The following PROCA1 variants were observed in gnomAD, a reference collection of about 807,000 sequenced individuals.
The protein encoded by PROCA1 is protein interacting with cyclin A1, also known as protein PROCA1.
Under a neutral mutation model 23.2 loss-of-function variants are expected in PROCA1, and 22 were observed. The observed-to-expected ratio is 0.95, with a 90% CI of 0.68 to 1.35. The LOEUF (loss-of-function observed/expected upper bound fraction) is 1.35. PROCA1 is among the 40% of genes most tolerant of loss of function. The pLI is 0.00. For synonymous variants in PROCA1, 182 were observed against 179.2 expected, an observed-to-expected ratio of 1.02 and a Z score of -0.12; for missense variants, 469 against 459.8, an observed-to-expected ratio of 1.02 and a Z score of -0.18.
In PROCA1 at chr17:28,706,690, G is replaced by A; in HGVS notation, c.165C>T (p.Thr55=). 1 of 1,303,688 alleles carries A rather than the reference G, an allele frequency of 7.7e-7. No individual in the cohort carries two copies. Among genetic ancestry groups the A allele is most frequent in the Non-Finnish European group, 1.0e-6 (1 of 988,800 alleles). 80.8% of individuals were successfully genotyped at this position (1,303,688 alleles called of 1,614,324 possible). A position where few individuals can be genotyped will look rare whatever the true frequency, so the allele number is the denominator to read the frequency against. The change falls in exon 2 of 5, where the codon ACC becomes ACT. Residue 55 remains threonine (T), a synonymous_variant. Coordinates refer to ENST00000682792, the MANE Select transcript of PROCA1 (RefSeq NM_001366301.1). Reference sequence around the variant, plus strand: ...GTCTCCTGGACCCACCTTCAGAGAAGGTAGACACATCAGTGCTGGACGCCA... The same window carrying A: ...GTCTCCTGGACCCACCTTCAGAGAAAGTAGACACATCAGTGCTGGACGCCA... ...AGVASSTDVS[T]FSEGDCKEPD... is the part of the protein sequence containing the mutation.
chr17:28,709,808 T>A (rs566996654), intron 1 of PROCA1, among the ~76,000 whole-genome samples: 2 of 149,816 alleles, frequency 1.3e-5, no homozygotes, highest in African/African-American at 4.9e-5. Flanking sequence ...ACCAGCATGG[T>A]CAACATGGTG....
chr17:28,711,439 C>G, intron 1 of PROCA1, 131 bp downstream of exon 1: 1 of 758,594 alleles, frequency 1.3e-6, no homozygotes, highest in Non-Finnish European at 2.0e-6. Context: ...CGCCCCGGCC[C>G]AGCACTGGGC....
chr17:28,709,762 C>A (rs974271915), intron 1 of PROCA1, among the ~76,000 whole-genome samples: 6 of 151,656 alleles, frequency 4.0e-5, no homozygotes, highest in Non-Finnish European at 8.8e-5. Context: ...TTTGAGAGGC[C>A]GAGGTGGGCG....
intron 1 of PROCA1, among the ~76,000 whole-genome samples, chr17:28,708,475 G>C (rs573352822): frequency 6.6e-6 from 1 of 152,290 alleles, no homozygotes; most frequent in East Asian, 1.9e-4. Context: ...GATTACAAGA[G>C]TTCTGACTTG....
chr17:28,710,192 G>C (rs2032712874), intron 1 of PROCA1, among the ~76,000 whole-genome samples: 1 of 151,468 alleles, frequency 6.6e-6, no homozygotes, highest in Non-Finnish European at 1.5e-5. Context: ...GCTGTTTCAG[G>C]AGCCACCATG....
intron 1 of PROCA1, among the ~76,000 whole-genome samples, chr17:28,709,479 TCTC>T (rs2032678974): frequency 6.6e-6 from 1 of 151,774 alleles, no homozygotes; most frequent in Non-Finnish European, 1.5e-5. Context: ...ATGGTCTTGA[TCTC>T]CTGACCTCGT....
chr17:28,704,585 G>T, intron 3 of PROCA1, 123 bp downstream of exon 3: 1 of 1,560,896 alleles, frequency 6.4e-7, no homozygotes, highest in Non-Finnish European at 8.7e-7. Flanking sequence ...GGTGTGCAGA[G>T]CTGGGACTGG....
chr17:28,710,804 G>C (rs779933793), intron 1 of PROCA1: 82 of 1,303,974 alleles, frequency 6.3e-5, no homozygotes, highest in Middle Eastern at 2.1e-4. Context: ...GAAAGAAAGT[G>C]GGAGGCTTAT....
chr17:28,706,340 G>A (rs2032472837), intron 2 of PROCA1: 1 of 204,496 alleles, frequency 4.9e-6, no homozygotes. Flanking sequence ...TTACTAGCCG[G>A]GTGGCTTAGG....
rs775245165 is a variant in PROCA1, at chr17:28,704,527, T to G, written c.312-92A>C. The G allele has an allele frequency of 2.6e-5, 41 of 1,551,300 alleles. No individual in the cohort carries two copies. The African/African-American group carries it at 3.5e-4, about 13-fold the overall frequency. On this transcript the variant is annotated intron_variant, in intron 3 of 4. Coordinates refer to ENST00000682792, the MANE Select transcript of PROCA1 (RefSeq NM_001366301.1). Reference sequence around the variant, plus strand: ...AGGGACAGTGGGCTTCCGCTGGGCCTGCCTCAGGCCAACAGACCTCCTCCC... The same window carrying G: ...AGGGACAGTGGGCTTCCGCTGGGCCGGCCTCAGGCCAACAGACCTCCTCCC...
chr17:28,703,813 C>T lies in PROCA1; in HGVS notation c.840G>A (p.Val280=). Residue 280 remains valine (V), a synonymous_variant, in exon 5 of 5, where the codon GTG becomes GTA. Coordinates refer to ENST00000682792, the MANE Select transcript of PROCA1 (RefSeq NM_001366301.1). ...GCTGTCTTGCGCTTAATGATCGGCT[C>T]ACGTCTGGCGGGGAAGGCTCCAATT... ...PVKLEPSPPD[V]SRSLSARQLA... The T allele has an allele frequency of 1.9e-6, 3 of 1,614,206 alleles. No individual in the cohort carries two copies. The highest frequency in any genetic ancestry group is 2.5e-6 in the Non-Finnish European group (3 of 1,180,046).
chr17:28,710,795 AAAG>A, intron 1 of PROCA1: 1 of 1,304,020 alleles, frequency 7.7e-7, no homozygotes, highest in Non-Finnish European at 1.0e-6. Flanking sequence ...TGATAGGGTG[AAAG>A]AAAGTGGGAG....
In PROCA1 at chr17:28,711,680, C is replaced by T. The variant is rs375550528; in HGVS notation, c.-20G>A. The T allele has an allele frequency of 2.0e-4, 315 of 1,608,632 alleles. No individual in the cohort carries two copies. Among genetic ancestry groups the T allele is most frequent in the Non-Finnish European group, 2.6e-4 (304 of 1,176,914 alleles). ...CCACATCGCTCTCCGCCCAGGTCTT[C>T]GTCTCTACAGGACTCTTGCGTGAAG... On this transcript the variant is annotated 5_prime_UTR_variant, in exon 1 of 5. Transcript: ENST00000682792.
chr17:28,711,765 C>T lies in PROCA1; in HGVS notation c.-105G>A. 3.1e-6 allele frequency: 3 copies of T among 980,200 alleles called. No individual in the cohort carries two copies. In the South Asian group the frequency reaches 5.3e-5, roughly 17 times the overall value. The allele number at this position is 980,200 out of a possible 1,614,324, so 60.7% of individuals were successfully genotyped here. Reference sequence around the variant, plus strand: ...GCCCAGCCGTGAACTCCAGTCTCGGCTTCGCCCCCGCCTAGCCCCTAACCC... The same window carrying T: ...GCCCAGCCGTGAACTCCAGTCTCGGTTTCGCCCCCGCCTAGCCCCTAACCC... On this transcript the variant is annotated 5_prime_UTR_variant, in exon 1 of 5. Coordinates refer to ENST00000682792, the MANE Select transcript of PROCA1 (RefSeq NM_001366301.1).
chr17:28,711,888 C>A lies in PROCA1; in HGVS notation c.-228G>T, dbSNP rs2032803977. On this transcript the variant is annotated 5_prime_UTR_variant, in exon 1 of 5. Coordinates refer to ENST00000682792, the MANE Select transcript of PROCA1 (RefSeq NM_001366301.1). The stretch of plus-strand genomic sequence containing the variant: ...CTCAGCGTCAGCCGCGTTCTTCATC[C>A]GGGGCCTCCGGCGCCTCCCAGGCCC... 4.1e-6 allele frequency: 2 copies of A among 482,470 alleles called. No homozygotes were observed. Among genetic ancestry groups the A allele is most frequent in the Non-Finnish European group, 7.3e-6 (2 of 274,198 alleles). The allele number at this position is 482,470 out of a possible 1,614,324, so 29.9% of individuals were successfully genotyped here. A position where few individuals can be genotyped will look rare whatever the true frequency, so the allele number is the denominator to read the frequency against.
rs1402460986 is a variant in PROCA1, at chr17:28,711,881, C to T, written c.-221G>A. 2.0e-6 allele frequency: 1 copy of T among 489,280 alleles called. No individual in the cohort carries two copies. Among genetic ancestry groups the T allele is most frequent in the African/African-American group, 2.0e-5 (1 of 49,084 alleles). The allele number at this position is 489,280 out of a possible 1,614,324, so 30.3% of individuals were successfully genotyped here. A position where few individuals can be genotyped will look rare whatever the true frequency, so the allele number is the denominator to read the frequency against. ...GCTGGGTCTCAGCGTCAGCCGCGTT[C>T]TTCATCCGGGGCCTCCGGCGCCTCC... On this transcript the variant is annotated 5_prime_UTR_variant, in exon 1 of 5. Transcript: ENST00000682792.
intron 1 of PROCA1, chr17:28,710,912 G>A (rs1432454586): frequency 7.7e-7 from 1 of 1,301,740 alleles, no homozygotes; most frequent in Non-Finnish European, 1.0e-6. Flanking sequence ...GTCCTGCGGG[G>A]CCGAGGAGCT....
At chr17:28,709,988 C>T (rs1318657481) in intron 1 of PROCA1, among the ~76,000 whole-genome samples, 1 of 151,842 alleles carries the variant, frequency 6.6e-6, no homozygotes, top group African/African-American at 2.4e-5. Flanking sequence ...CAGAGTGAGA[C>T]GGCGGGAAGG....
At chr17:28,709,088 C>G (rs193243917) in intron 1 of PROCA1, among the ~76,000 whole-genome samples, 2 of 152,292 alleles carry the variant, frequency 1.3e-5, no homozygotes, top group African/African-American at 4.8e-5. Flanking sequence ...GTAATTTGTC[C>G]AAACATACAT....
Sources: gnomAD v4.1 joint callset for allele counts (sites outside exome capture counted in the v4.1 genomes callset) on GRCh38, gnomAD v4.1.1 for gene constraint, MANE v1.5 for transcripts, NCBI Gene and HGNC (gene_info 2026-07-23, HGNC 2026-07-21) for gene names.